The following MRPL3 variants were observed in gnomAD, a reference collection of about 807,000 sequenced individuals.
MRPL3 encodes the protein large ribosomal subunit protein uL3m.
Under a neutral mutation model 44.3 loss-of-function variants are expected in MRPL3, and 43 were observed. The ratio of observed to expected loss-of-function variants is 0.97; its 90% CI spans 0.76 to 1.25. MRPL3 has a LOEUF of 1.25. Ranked by LOEUF, MRPL3 falls within the 50% of genes most tolerant of loss-of-function variation. The pLI is 0.00. For synonymous variants in MRPL3, 171 were observed against 152.3 expected, an observed-to-expected ratio of 1.12 and a Z score of -0.91; for missense variants, 406 against 427.6, an observed-to-expected ratio of 0.95 and a Z score of 0.45.
chr3:131,502,158 G>A (rs1214815717), intron 1 of MRPL3, among the ~76,000 whole-genome samples: 1 of 152,166 alleles, frequency 6.6e-6, no homozygotes, highest in Non-Finnish European at 1.5e-5. Flanking sequence ...AAAGTTAAAA[G>A]ATCCACAAAA....
chr3:131,468,049 C>G, intron 9 of MRPL3, 42 bp downstream of exon 9: 1 of 860,462 alleles, frequency 1.2e-6, no homozygotes, highest in South Asian at 2.3e-5. Context: ...GAGTAAGAAA[C>G]AAAAAAAAAA....
intron 2 of MRPL3, among the ~76,000 whole-genome samples, chr3:131,501,010 G>C (rs528800218): frequency 1.2e-4 from 19 of 152,336 alleles, no homozygotes; most frequent in Admixed American, 1.2e-3. Flanking sequence ...TCACTAAGAA[G>C]TTTTGGTAAC....
intron 6 of MRPL3, among the ~76,000 whole-genome samples, chr3:131,478,298 A>G (rs1933900058): frequency 6.6e-6 from 1 of 152,186 alleles, no homozygotes; most frequent in South Asian, 2.1e-4. Context: ...AACTGGAAGT[A>G]CCTCAGCCAT....
At chr3:131,478,603 T>G (rs1289043325) in intron 6 of MRPL3, among the ~76,000 whole-genome samples, 1 of 152,184 alleles carries the variant, frequency 6.6e-6, no homozygotes, top group East Asian at 1.9e-4. Flanking sequence ...ATTTTGTTCC[T>G]TCTGCCTCAA....
chr3:131,488,349 C>G (rs1934176489), intron 5 of MRPL3, among the ~76,000 whole-genome samples: 1 of 152,014 alleles, frequency 6.6e-6, no homozygotes, highest in African/African-American at 2.4e-5. Context: ...GAAACGTTTA[C>G]AAAACTAGTT....
intron 9 of MRPL3, among the ~76,000 whole-genome samples, chr3:131,464,682 T>C (rs539471887): frequency 3.4e-4 from 52 of 152,310 alleles, no homozygotes; most frequent in Admixed American, 1.2e-3. Flanking sequence ...CTGTAAACAA[T>C]AGTTCTTTAG....
At chr3:131,482,482 T>C (rs1054291627) in intron 6 of MRPL3, among the ~76,000 whole-genome samples, 43 of 149,476 alleles carry the variant, frequency 2.9e-4, no homozygotes, top group African/African-American at 1.0e-3. Flanking sequence ...GCCACTGCAC[T>C]CCAGCCTGGG....
At chr3:131,502,658 C>A (rs1934523845) in intron 1 of MRPL3, 72 bp downstream of exon 1, 2 of 1,329,674 alleles carry the variant, frequency 1.5e-6, no homozygotes, top group Non-Finnish European at 1.0e-6. Flanking sequence ...CCAGGGGAGG[C>A]CCAACTGCAC....
chr3:131,491,588 A>T (rs1218172086), intron 4 of MRPL3, among the ~76,000 whole-genome samples: 1 of 151,988 alleles, frequency 6.6e-6, no homozygotes, highest in African/African-American at 2.4e-5. Context: ...AAAAAAGGCA[A>T]CTCCATAATG....
intron 4 of MRPL3, among the ~76,000 whole-genome samples, chr3:131,490,499 A>G (rs1014679926): frequency 6.6e-6 from 1 of 152,250 alleles, no homozygotes; most frequent in Non-Finnish European, 1.5e-5. Flanking sequence ...TGTTATGACC[A>G]CAAACTTCAG....
chr3:131,465,208 T>C (rs546795249), intron 9 of MRPL3, among the ~76,000 whole-genome samples: 2 of 152,336 alleles, frequency 1.3e-5, no homozygotes, highest in Non-Finnish European at 2.9e-5. Flanking sequence ...TTTCTCAAAA[T>C]GTATTTAGAC....
chr3:131,462,998 T>TA, intron 9 of MRPL3, 123 bp from the exon 10 acceptor site: 1 of 773,756 alleles, frequency 1.3e-6, no homozygotes, highest in Non-Finnish European at 1.9e-6. Flanking sequence ...ACACAACTGT[T>TA]ACATAAATAG....
At chr3:131,496,880 T>C (rs982588187) in intron 4 of MRPL3, among the ~76,000 whole-genome samples, 1 of 152,242 alleles carries the variant, frequency 6.6e-6, no homozygotes, top group Non-Finnish European at 1.5e-5. Flanking sequence ...ACTACCTTGA[T>C]AGCTGCAGCT....
At chr3:131,468,628 T>C (rs1933674753) in intron 8 of MRPL3, among the ~76,000 whole-genome samples, 2 of 151,980 alleles carry the variant, frequency 1.3e-5, no homozygotes, top group South Asian at 4.1e-4. Flanking sequence ...TGGGAGAGAA[T>C]GATTGGTCAA....
Position 131,502,946 on chromosome 3 carries a change from A to T in MRPL3, c.-125T>A. On this transcript the variant is annotated 5_prime_UTR_variant, in exon 1 of 10. Coordinates refer to ENST00000264995, the MANE Select transcript of MRPL3 (RefSeq NM_007208.4). ...GGGAAGTTTTCGCAATGGCCGCCGG[A>T]ACGGTCGCCGGCCGATGCTCTCTGC... 2.3e-6 allele frequency: 2 copies of T among 888,660 alleles called. No homozygotes were observed. Among genetic ancestry groups the T allele is most frequent in the Non-Finnish European group, 3.6e-6 (2 of 551,276 alleles). The allele number at this position is 888,660 out of a possible 1,614,324, so 55.0% of individuals were successfully genotyped here. A position where few individuals can be genotyped will look rare whatever the true frequency, so the allele number is the denominator to read the frequency against.
intron 6 of MRPL3, among the ~76,000 whole-genome samples, chr3:131,478,724 T>G (rs1582707722): frequency 1.3e-5 from 2 of 151,640 alleles, no homozygotes; most frequent in African/African-American, 4.9e-5. Context: ...TTTTTTTTTT[T>G]TTGAGACAGA....
At chr3:131,462,950 C>G in intron 9 of MRPL3, 75 bp from the exon 10 acceptor site, 1 of 1,241,484 alleles carries the variant, frequency 8.1e-7, no homozygotes, top group Non-Finnish European at 1.1e-6. Context: ...TATTCATAAT[C>G]AAAGAAATAC....
rs35694649 is a variant in MRPL3 at position 131,499,729 on chromosome 3, T to TATAATA, written c.369+695_369+700dup. 5.1e-3 allele frequency among the ~76,000 whole-genome samples: 772 copies of TATAATA among 150,614 alleles called. 8 individuals carry two copies. The highest frequency in any genetic ancestry group is 0.017 in the African/African-American group (692 of 40,774). ...TGATGATCTCTTACCAGTATCTTTC[T>TATAATA]ATAATAATAATAATAATAATAATAA... On this transcript the variant is annotated intron_variant, in intron 3 of 9. Transcript: ENST00000264995.
intron 3 of MRPL3, among the ~76,000 whole-genome samples, chr3:131,498,553 T>C (rs545469547): frequency 3.3e-5 from 5 of 151,678 alleles, no homozygotes; most frequent in Admixed American, 6.6e-5. Context: ...ATACAAAAAA[T>C]TAGCCGGGCA....
Sources: gnomAD v4.1 joint callset for allele counts (sites outside exome capture counted in the v4.1 genomes callset) on GRCh38, gnomAD v4.1.1 for gene constraint, MANE v1.5 for transcripts, NCBI Gene and HGNC (gene_info 2026-07-23, HGNC 2026-07-21) for gene names.